Variants in ADAMTS12 observed in about 807,000 individuals in gnomAD.
ADAMTS12 encodes A disintegrin and metalloproteinase with thrombospondin motifs 12.
In ADAMTS12, 118 loss-of-function variants were observed where a neutral mutation model predicts 167.8. The ratio of observed to expected loss-of-function variants is 0.70; its 90% CI spans 0.61 to 0.82. The LOEUF (loss-of-function observed/expected upper bound fraction) is 0.82. ADAMTS12 is among the 40% of genes least tolerant of loss of function. The pLI, the probability that ADAMTS12 is intolerant of heterozygous loss-of-function variation, is 0.00. For missense variants in ADAMTS12, 1,916 were observed against 1,998.8 expected (o/e 0.96, Z 0.79); for synonymous variants, 704 against 716.9 (o/e 0.98, Z 0.29).
intron 7 of ADAMTS12, among the ~76,000 whole-genome samples, chr5:33,655,006 T>G (rs1741001310): frequency 6.6e-6 from 1 of 152,160 alleles, no homozygotes; most frequent in East Asian, 1.9e-4. Context: ...CTTCAGGTTC[T>G]GTGGTCCTCA....
chr5:33,684,936 G>A (rs1353023951), intron 3 of ADAMTS12, among the ~76,000 whole-genome samples: 2 of 152,150 alleles, frequency 1.3e-5, no homozygotes, highest in African/African-American at 4.8e-5. Context: ...AGGCTACTTC[G>A]CACATCAGGA....
intron 22 of ADAMTS12, among the ~76,000 whole-genome samples, chr5:33,538,384 C>T (rs1043158474): frequency 4.6e-5 from 7 of 152,168 alleles, no homozygotes; most frequent in East Asian, 1.9e-4. Flanking sequence ...TCCCTTGACA[C>T]GTGAGAATTA....
chr5:33,851,399 G>A (rs1300804353), intron 2 of ADAMTS12, among the ~76,000 whole-genome samples: 6 of 152,076 alleles, frequency 3.9e-5, no homozygotes, highest in Admixed American at 2.0e-4. Context: ...GTGACACAGC[G>A]AGACTCCATC....
At chr5:33,602,224 T>TA (rs1333382158) in intron 16 of ADAMTS12, among the ~76,000 whole-genome samples, 16 of 152,116 alleles carry the variant, frequency 1.1e-4, no homozygotes, top group Admixed American at 1.0e-3. Flanking sequence ...CCGCACAGGG[T>TA]AAAAAATGGA....
chr5:33,700,857 C>CAAAT (rs1742976922), intron 3 of ADAMTS12, among the ~76,000 whole-genome samples: 1 of 148,868 alleles, frequency 6.7e-6, no homozygotes, highest in Admixed American at 6.7e-5. Flanking sequence ...ATACAATTAT[C>CAAAT]TCAGTAATAA....
chr5:33,702,696 A>AT (rs1297117539), intron 3 of ADAMTS12, among the ~76,000 whole-genome samples: 3 of 151,996 alleles, frequency 2.0e-5, no homozygotes, highest in South Asian at 2.1e-4. Flanking sequence ...TCAACTGTGC[A>AT]TTTTTTTTCA....
chr5:33,628,391 A>C (rs1228404491), intron 13 of ADAMTS12, among the ~76,000 whole-genome samples: 2 of 152,096 alleles, frequency 1.3e-5, no homozygotes, highest in Non-Finnish European at 2.9e-5. Context: ...TCAAAGTTTA[A>C]ATCTATATCT....
rs114651069 is a variant in ADAMTS12, at chr5:33,605,770, C to T, written c.2527+8468G>A. On this transcript the variant is annotated intron_variant, in intron 16 of 23. Transcript: ENST00000504830. ...GATAATTACTAATAATTTTCTGGCA[C>T]TGCTTTTTAACAATTACATTTTACA... Among the ~76,000 whole-genome samples the T allele has an allele frequency of 4.1e-3, 616 of 150,760 alleles. 7 individuals carry two copies. Among genetic ancestry groups the T allele is most frequent in the African/African-American group, 0.015 (593 of 40,044 alleles).
intron 5 of ADAMTS12, among the ~76,000 whole-genome samples, chr5:33,675,821 C>T (rs1030621014): frequency 2.6e-5 from 4 of 152,098 alleles, no homozygotes; most frequent in African/African-American, 9.7e-5. Context: ...TGCTCTTGAT[C>T]ACAGAAGCCT....
intron 2 of ADAMTS12, 176 bp downstream of exon 2, chr5:33,880,943 G>A (rs1172994111): frequency 2.3e-6 from 2 of 881,548 alleles, no homozygotes; most frequent in South Asian, 2.0e-5. Flanking sequence ...CTCTCAAGTC[G>A]ATCTCTTTTA....
chr5:33,576,504 A>C lies in ADAMTS12; in HGVS notation c.3522T>G (p.Pro1174=). Residue 1174 remains proline (P), a synonymous_variant, in exon 19 of 24, where the codon CCT becomes CCG. Coordinates refer to ENST00000504830, the MANE Select transcript of ADAMTS12 (RefSeq NM_030955.4). The stretch of plus-strand genomic sequence containing the variant: ...GTACTCTGATCTTGGTCCATATTAC[A>C]GGATTGCTTTCATCTTTGTCCTCAG... ...EQPEDKDESN[P]VIWTKIRVPG... is the part of the protein sequence containing the mutation. 6.2e-7 allele frequency: 1 copy of C among 1,610,904 alleles called. No homozygotes were observed. The highest frequency in any genetic ancestry group is 8.5e-7 in the Non-Finnish European group (1 of 1,178,620).
intron 20 of ADAMTS12, 60 bp from the exon 21 acceptor site, chr5:33,549,443 T>C: frequency 1.3e-6 from 2 of 1,569,244 alleles, no homozygotes; most frequent in South Asian, 2.3e-5. Flanking sequence ...CCTCCCTTCC[T>C]TCCCCTCAGC....
chr5:33,811,595 A>G (rs779879085), intron 2 of ADAMTS12, among the ~76,000 whole-genome samples: 3 of 152,180 alleles, frequency 2.0e-5, no homozygotes, highest in Non-Finnish European at 2.9e-5. Context: ...AGGAGAAAGG[A>G]TTCAAGGAGA....
intron 2 of ADAMTS12, among the ~76,000 whole-genome samples, chr5:33,768,550 AAATAT>A (rs1394478754): frequency 6.6e-6 from 1 of 152,184 alleles, no homozygotes; most frequent in Non-Finnish European, 1.5e-5. Flanking sequence ...AGATATATGG[AAATAT>A]AATATGTAAT....
intron 13 of ADAMTS12, among the ~76,000 whole-genome samples, chr5:33,625,270 A>G (rs1187501768): frequency 1.3e-5 from 2 of 152,190 alleles, no homozygotes; most frequent in Non-Finnish European, 2.9e-5. Flanking sequence ...TGCTTCACCT[A>G]GTAGGGGGAA....
chr5:33,713,381 GTTTTAACTTCCTCCTTCA>G (rs33962032), intron 3 of ADAMTS12, among the ~76,000 whole-genome samples: 131,288 of 151,966 alleles, frequency 0.86, 56,997 homozygotes, highest in Non-Finnish European at 0.89. Context: ...TTCCTCATTA[GTTTTAACTTCCTCCTTCA>G]TTCTCAGAAG....
At chr5:33,887,718 A>G (rs1750685355) in intron 1 of ADAMTS12, among the ~76,000 whole-genome samples, 1 of 151,988 alleles carries the variant, frequency 6.6e-6, no homozygotes, top group Admixed American at 6.5e-5. Flanking sequence ...TTTACCTACT[A>G]GTTGTATACA....
intron 14 of ADAMTS12, among the ~76,000 whole-genome samples, chr5:33,620,024 A>T (rs1739232412): frequency 6.6e-6 from 1 of 152,214 alleles, no homozygotes; most frequent in East Asian, 1.9e-4. Context: ...ATCATATCAG[A>T]GTCTATAGGT....
At chr5:33,788,586 G>A (rs1367071606) in intron 2 of ADAMTS12, among the ~76,000 whole-genome samples, 1 of 152,256 alleles carries the variant, frequency 6.6e-6, no homozygotes, top group South Asian at 2.1e-4. Context: ...GTGAGTTGGC[G>A]AGGAAAGGAA....
Sources: allele counts gnomAD v4.1 joint callset (sites outside exome capture counted in the v4.1 genomes callset), GRCh38; gene constraint gnomAD v4.1.1; transcripts MANE v1.5; gene names NCBI Gene and HGNC (gene_info 2026-07-23, HGNC 2026-07-21).